Variants in CDH6 observed in about 807,000 individuals in gnomAD.
CDH6 encodes cadherin-6.
CDH6 carries 31 observed loss-of-function variants against 78.0 expected under a neutral mutation model. That is an observed-to-expected ratio of 0.40 (90% confidence interval 0.30 to 0.54). The LOEUF is 0.54. CDH6 is among the 20% of genes least tolerant of loss of function. The pLI, the probability that CDH6 is intolerant of heterozygous loss-of-function variation, is 0.56. For synonymous variants in CDH6, 376 were observed against 368.8 expected (o/e 1.02, Z -0.23); for missense variants, 724 against 975.9 (o/e 0.74, Z 3.44).
chr5:31,199,238 C>A (rs559279622), intron 1 of CDH6, among the ~76,000 whole-genome samples: 1 of 151,628 alleles, frequency 6.6e-6, no homozygotes, highest in East Asian at 1.9e-4. Flanking sequence ...TACACACACA[C>A]ACATATGTGT....
rs1479861526 is a variant in CDH6 at position 31,294,097 on chromosome 5, C to T, written c.364C>T (p.Pro122Ser). Residue 122 changes from proline to serine, a missense_variant, in exon 3 of 12, where the codon CCC becomes TCC. Pro to Ser is a moderately conservative substitution (Grantham distance 74, BLOSUM62 -1). Coordinates refer to ENST00000265071, the MANE Select transcript of CDH6 (RefSeq NM_004932.4). The surrounding 1 kb of genome is among the most constrained non-coding windows in gnomAD (Gnocchi z 4.1). ...ATKRLDREEK[P>S]VYILRAQAIN... Reference sequence around the variant, plus strand: ...CAAGAGGCTGGACAGGGAAGAAAAACCCGTTTACATCCTTCGAGCTCAAGC... The same window carrying T: ...CAAGAGGCTGGACAGGGAAGAAAAATCCGTTTACATCCTTCGAGCTCAAGC... The T allele has an allele frequency of 3.7e-6, 6 of 1,613,576 alleles. No homozygotes were observed. The highest frequency in any genetic ancestry group is 5.1e-6 in the Non-Finnish European group (6 of 1,179,884).
In CDH6 at chr5:31,294,278, C is replaced by T. The variant is rs1217599085; in HGVS notation, c.523+22C>T. 2 of 1,594,286 alleles carry T rather than the reference C, an allele frequency of 1.3e-6. No individual in the cohort carries two copies. The highest frequency in any genetic ancestry group is 3.4e-5 in the Admixed American group (2 of 58,470). ...GTCGGTGAGTGAGACGTGACTTCAGCCAAAAGCTGGCTTTCCCCTAGTGCA... is the reference window on the plus strand; with the variant it reads ...GTCGGTGAGTGAGACGTGACTTCAGTCAAAAGCTGGCTTTCCCCTAGTGCA... On this transcript the variant is annotated intron_variant, in intron 3 of 11. Transcript: ENST00000265071. This position sits in a 1 kb window ranked among gnomAD's most constrained non-coding sequence, Gnocchi z 4.1.
rs906399607 is a variant in CDH6, at chr5:31,294,427, AT to A, written c.523+175del. Among the ~76,000 whole-genome samples, 77 of 152,268 alleles carry A rather than the reference AT, an allele frequency of 5.1e-4. No individual in the cohort carries two copies. Among genetic ancestry groups the A allele is most frequent in the Admixed American group, 3.2e-3 (49 of 15,298 alleles). On this transcript the variant is annotated intron_variant, in intron 3 of 11. Coordinates refer to ENST00000265071, the MANE Select transcript of CDH6 (RefSeq NM_004932.4). The surrounding 1 kb of genome is among the most constrained non-coding windows in gnomAD (Gnocchi z 4.1). ...TGTTTCCTAATATTACTCTAGTCTCATTTTGTGATTATTTTAAAAACCACAT... is the reference window on the plus strand; with the variant it reads ...TGTTTCCTAATATTACTCTAGTCTCATTTGTGATTATTTTAAAAACCACAT...
At chr5:31,312,711 C>CA (rs1372589328) in intron 7 of CDH6, among the ~76,000 whole-genome samples, 99 of 113,344 alleles carry the variant, frequency 8.7e-4, no homozygotes, top group African/African-American at 2.5e-3. Flanking sequence ...AACAAACAAA[C>CA]AAACAAAAAA....
chr5:31,203,233 C>CTTTTT (rs10656122), intron 1 of CDH6, among the ~76,000 whole-genome samples: 12 of 127,182 alleles, frequency 9.4e-5, no homozygotes, highest in African/African-American at 2.5e-4. Context: ...CAGGCAGGTC[C>CTTTTT]TTTTTTTTTT....
intron 1 of CDH6, among the ~76,000 whole-genome samples, chr5:31,244,753 T>G (rs1741697121): frequency 6.6e-6 from 1 of 152,154 alleles, no homozygotes; most frequent in African/African-American, 2.4e-5. Flanking sequence ...GAAAGAGTCT[T>G]GAAATGCCTG....
At chr5:31,249,164 A>G (rs900582692) in intron 1 of CDH6, 61 of 152,104 alleles carry the variant, frequency 4.0e-4, no homozygotes, top group African/African-American at 1.3e-3. Flanking sequence ...AAATTTGGGG[A>G]AAAAAAGGTG....
intron 10 of CDH6, 25 bp downstream of exon 10, chr5:31,317,517 C>T (rs1460123940): frequency 3.3e-6 from 5 of 1,535,522 alleles, no homozygotes; most frequent in Non-Finnish European, 4.5e-6. Flanking sequence ...GTTACCTTCT[C>T]TATCTATCTC....
At chr5:31,271,971 A>C (rs2149935877) in intron 2 of CDH6, among the ~76,000 whole-genome samples, 1 of 152,322 alleles carries the variant, frequency 6.6e-6, no homozygotes, top group East Asian at 1.9e-4. Context: ...TTTGGGAACC[A>C]CTGTCCTAGG....
intron 6 of CDH6, among the ~76,000 whole-genome samples, chr5:31,302,943 G>GAAAGAAAGA (rs1554010049): frequency 1.5e-5 from 2 of 130,230 alleles, no homozygotes; most frequent in Non-Finnish European, 3.5e-5. Flanking sequence ...AAGAAAGAAA[G>GAAAGAAAGA]AAAGAAAGAA....
intron 7 of CDH6, among the ~76,000 whole-genome samples, chr5:31,311,210 C>T (rs1738140749): frequency 6.6e-6 from 1 of 152,204 alleles, no homozygotes; most frequent in Non-Finnish European, 1.5e-5. Flanking sequence ...GCCAAATATC[C>T]TAAATCATCT....
intron 2 of CDH6, among the ~76,000 whole-genome samples, chr5:31,282,745 A>G (rs920978932): frequency 6.6e-6 from 1 of 152,192 alleles, no homozygotes; most frequent in African/African-American, 2.4e-5. Flanking sequence ...ATTGAGTGTA[A>G]AAAATAATTG....
chr5:31,220,737 A>T (rs907925472), intron 1 of CDH6, among the ~76,000 whole-genome samples: 2 of 152,228 alleles, frequency 1.3e-5, no homozygotes, highest in African/African-American at 2.4e-5. Flanking sequence ...AGTTATAAAA[A>T]GCCTCTTCGT....
At chr5:31,307,851 T>C (rs1738031178) in intron 7 of CDH6, among the ~76,000 whole-genome samples, 2 of 152,218 alleles carry the variant, frequency 1.3e-5, no homozygotes, top group Admixed American at 1.3e-4. Flanking sequence ...CAAATACCAT[T>C]TTTACCCACT....
At chr5:31,233,624 C>G (rs1014498036) in intron 1 of CDH6, among the ~76,000 whole-genome samples, 1 of 152,184 alleles carries the variant, frequency 6.6e-6, no homozygotes, top group African/African-American at 2.4e-5. Flanking sequence ...TTCACTTACT[C>G]TGACCTTGCT....
intron 1 of CDH6, among the ~76,000 whole-genome samples, chr5:31,248,767 C>T (rs1741827160): frequency 6.6e-6 from 1 of 152,074 alleles, no homozygotes; most frequent in Admixed American, 6.5e-5. Flanking sequence ...CCCCAAAAAA[C>T]CTAGGTAGTA....
chr5:31,316,786 T>C (rs1028892234), intron 9 of CDH6, among the ~76,000 whole-genome samples: 1 of 152,222 alleles, frequency 6.6e-6, no homozygotes, highest in African/African-American at 2.4e-5. Flanking sequence ...CTGCCAGTGA[T>C]ATAAAAATTA....
At chr5:31,244,418 C>T (rs1741688645) in intron 1 of CDH6, among the ~76,000 whole-genome samples, 1 of 152,128 alleles carries the variant, frequency 6.6e-6, no homozygotes, top group Non-Finnish European at 1.5e-5. Context: ...GCTACCTTCC[C>T]ATCTTAAGCC....
At chr5:31,275,416 C>T (rs1014866159) in intron 2 of CDH6, among the ~76,000 whole-genome samples, 4 of 152,104 alleles carry the variant, frequency 2.6e-5, no homozygotes, top group Admixed American at 6.5e-5. Context: ...CATGAGTACC[C>T]GATGTTTAGC....
Sources: allele counts gnomAD v4.1 joint callset (sites outside exome capture counted in the v4.1 genomes callset), GRCh38; gene constraint gnomAD v4.1.1; non-coding constraint Gnocchi (gnomAD v3.1); transcripts MANE v1.5; gene names NCBI Gene and HGNC (gene_info 2026-07-23, HGNC 2026-07-21).